Variants in ITPK1 observed in about 807,000 individuals in gnomAD.
The protein encoded by ITPK1 is inositol 1,3,4-trisphosphate 5/6-kinase.
ITPK1 carries 21 observed loss-of-function variants against 45.3 expected under a neutral mutation model. The ratio of observed to expected loss-of-function variants is 0.46; its 90% CI spans 0.33 to 0.67. The LOEUF (loss-of-function observed/expected upper bound fraction) is 0.67. ITPK1 is among the 30% of genes least tolerant of loss of function. The pLI is 0.02. For synonymous variants in ITPK1, 258 were observed against 253.6 expected (o/e 1.02, Z -0.16); for missense variants, 474 against 573.5 (o/e 0.83, Z 1.77).
intron 3 of ITPK1, among the ~76,000 whole-genome samples, chr14:93,067,268 C>G (rs1481851586): frequency 6.6e-6 from 1 of 152,170 alleles, no homozygotes; most frequent in Non-Finnish European, 1.5e-5. Context: ...TGGCAGGTAC[C>G]AGGGAGATCC....
intron 10 of ITPK1, among the ~76,000 whole-genome samples, chr14:92,945,152 G>A (rs4905012): frequency 0.018 from 2,785 of 152,344 alleles, 78 homozygotes; most frequent in Admixed American, 0.082. Flanking sequence ...CATGGCAGTG[G>A]AGCTCAAGCT....
chr14:93,008,593 G>C (rs1887735403), intron 4 of ITPK1, among the ~76,000 whole-genome samples: 1 of 152,222 alleles, frequency 6.6e-6, no homozygotes, highest in Non-Finnish European at 1.5e-5. Context: ...GCCTCACTCT[G>C]TCCATCCCAG....
At chr14:93,077,944 G>A (rs1436126916) in intron 2 of ITPK1, among the ~76,000 whole-genome samples, 3 of 152,206 alleles carry the variant, frequency 2.0e-5, no homozygotes, top group African/African-American at 7.2e-5. Flanking sequence ...GATGCTCAAA[G>A]ATGGCTGCAG....
rs921696392 is a variant in ITPK1, at chr14:93,100,652, C to T, written c.95+14417G>A. ...CCTGAAGCCAGAATGCCCCAAGGAT[C>T]TGACTCAGGAACCAATACATCCCCT... On this transcript the variant is annotated intron_variant, in intron 2 of 10. Transcript: ENST00000267615. 3.9e-5 allele frequency among the ~76,000 whole-genome samples: 6 copies of T among 152,090 alleles called. No homozygotes were observed. The East Asian group carries it at 7.7e-4, about 20-fold the overall frequency.
rs1205317887 is a variant in ITPK1 at position 92,939,697 on chromosome 14, T to C, written c.*1864A>G. 4 of 984,866 alleles carry C rather than the reference T, an allele frequency of 4.1e-6. No individual in the cohort carries two copies. Among genetic ancestry groups the C allele is most frequent in the Non-Finnish European group, 4.8e-6 (4 of 829,878 alleles). 61.0% of individuals were successfully genotyped at this position (984,866 alleles called of 1,614,324 possible). A position where few individuals can be genotyped will look rare whatever the true frequency, so the allele number is the denominator to read the frequency against. On this transcript the variant is annotated 3_prime_UTR_variant, in exon 11 of 11. Transcript: ENST00000267615. ...GCAAGACCCCGGAGGCCACAAACGG[T>C]ACAGGAACACAGCCAGGAGTCACGC...
intron 9 of ITPK1, among the ~76,000 whole-genome samples, chr14:92,949,191 T>G (rs1887841330): frequency 6.6e-6 from 1 of 151,782 alleles, no homozygotes; most frequent in Non-Finnish European, 1.5e-5. Flanking sequence ...CCTTCCGGGC[T>G]CAAATGAACC....
At chr14:93,000,206 C>T (rs1436112471) in intron 4 of ITPK1, among the ~76,000 whole-genome samples, 3 of 152,166 alleles carry the variant, frequency 2.0e-5, no homozygotes, top group South Asian at 4.1e-4. Flanking sequence ...CCGCTGTGAA[C>T]ATACGTGTAT....
At chr14:92,949,332 T>C (rs1887847736) in intron 9 of ITPK1, among the ~76,000 whole-genome samples, 1 of 152,220 alleles carries the variant, frequency 6.6e-6, no homozygotes, top group South Asian at 2.1e-4. Context: ...ACTCCTGGGC[T>C]CAAGCGATCT....
chr14:93,019,008 C>A lies in ITPK1; in HGVS notation c.121-2207G>T, dbSNP rs530800030. Among the ~76,000 whole-genome samples, 20 of 152,306 alleles carry A rather than the reference C, an allele frequency of 1.3e-4. No homozygotes were observed. The South Asian group carries it at 4.1e-3, about 32-fold the overall frequency. On this transcript the variant is annotated intron_variant, in intron 3 of 10. Coordinates refer to ENST00000267615, the MANE Select transcript of ITPK1 (RefSeq NM_014216.6). Reference sequence around the variant, plus strand: ...TTCACAGATTCCAAATTACACTCCACCCAATACCTCTTCCCAGAAAAAGCA... The same window carrying A: ...TTCACAGATTCCAAATTACACTCCAACCAATACCTCTTCCCAGAAAAAGCA...
intron 3 of ITPK1, among the ~76,000 whole-genome samples, chr14:93,050,794 C>T (rs1456843914): frequency 6.6e-6 from 1 of 151,938 alleles, no homozygotes; most frequent in East Asian, 1.9e-4. Flanking sequence ...CCTCCAGTCG[C>T]CAGCATCGGG....
Position 92,980,703 on chromosome 14 carries a change from TCTCA to T in ITPK1, c.364+13173_364+13176del, listed in dbSNP as rs1886181684. ...TTTATTTGTTTGTTTTGAGATGGAG[TCTCA>T]CTCTGTTGCCCAGGCTAGAGTGCAG... On this transcript the variant is annotated intron_variant, in intron 5 of 10. Coordinates refer to ENST00000267615, the MANE Select transcript of ITPK1 (RefSeq NM_014216.6). 2.0e-5 allele frequency among the ~76,000 whole-genome samples: 3 copies of T among 152,052 alleles called. No homozygotes were observed. In the South Asian group the frequency reaches 6.2e-4, roughly 32 times the overall value.
In ITPK1 at chr14:93,046,412, C is replaced by A. The variant is rs1415877065; in HGVS notation, c.121-29611G>T. 3.3e-5 allele frequency among the ~76,000 whole-genome samples: 5 copies of A among 152,160 alleles called. No homozygotes were observed. In the East Asian group the frequency reaches 7.7e-4, roughly 23 times the overall value. On this transcript the variant is annotated intron_variant, in intron 3 of 10. Coordinates refer to ENST00000267615, the MANE Select transcript of ITPK1 (RefSeq NM_014216.6). ...GCTCAAGCTTCCTTTCCCACATGGCCCCATGTGCTCCAGATAAAGGCAACT... is the reference window on the plus strand; with the variant it reads ...GCTCAAGCTTCCTTTCCCACATGGCACCATGTGCTCCAGATAAAGGCAACT...
chr14:93,012,605 G>C lies in ITPK1; in HGVS notation c.246+4071C>G, dbSNP rs935193114. 6.6e-6 allele frequency among the ~76,000 whole-genome samples: 1 copy of C among 152,184 alleles called. No individual in the cohort carries two copies. The highest frequency in any genetic ancestry group is 1.5e-5 in the Non-Finnish European group (1 of 68,032). Reference sequence around the variant, plus strand: ...TAACTCATCACTTTAGGGGCCGTGAGGTCAGTTCTGGGTCTGCCTGCTGGC... The same window carrying C: ...TAACTCATCACTTTAGGGGCCGTGACGTCAGTTCTGGGTCTGCCTGCTGGC... On this transcript the variant is annotated intron_variant, in intron 4 of 10. Coordinates refer to ENST00000267615, the MANE Select transcript of ITPK1 (RefSeq NM_014216.6). This position sits in a 1 kb window ranked among gnomAD's most constrained non-coding sequence, Gnocchi z 4.9.
chr14:92,972,739 C>T (rs1158788706), intron 5 of ITPK1, among the ~76,000 whole-genome samples: 1 of 152,164 alleles, frequency 6.6e-6, no homozygotes, highest in African/African-American at 2.4e-5. Flanking sequence ...TACAGGAACA[C>T]GCCACCATGC....
chr14:93,090,028 G>T (rs948792260), intron 2 of ITPK1, among the ~76,000 whole-genome samples: 1 of 152,062 alleles, frequency 6.6e-6, no homozygotes, highest in Non-Finnish European at 1.5e-5. Flanking sequence ...GCCACCAGGC[G>T]GTCTCCCTGC....
At chr14:92,982,075 A>G (rs1269334821) in intron 5 of ITPK1, among the ~76,000 whole-genome samples, 3 of 152,266 alleles carry the variant, frequency 2.0e-5, no homozygotes, top group Non-Finnish European at 4.4e-5. Context: ...GACATGCCCC[A>G]AGACACCCAG....
chr14:93,093,749 T>C (rs1229993726), intron 2 of ITPK1, among the ~76,000 whole-genome samples: 3 of 152,162 alleles, frequency 2.0e-5, no homozygotes, highest in Non-Finnish European at 2.9e-5. Flanking sequence ...GGATGGACTC[T>C]GAAGAGTTGA....
intron 3 of ITPK1, among the ~76,000 whole-genome samples, chr14:93,026,817 A>T (rs975305767): frequency 2.0e-5 from 3 of 152,204 alleles, no homozygotes; most frequent in Non-Finnish European, 4.4e-5. Context: ...AAAGATCTCC[A>T]AGAAGGGGCC....
At position 93,014,113 on chromosome 14, in the gene ITPK1, C is replaced by T. The variant is rs79527491; in HGVS notation, c.246+2563G>A. On this transcript the variant is annotated intron_variant, in intron 4 of 10. Coordinates refer to ENST00000267615, the MANE Select transcript of ITPK1 (RefSeq NM_014216.6). This position sits in a 1 kb window ranked among gnomAD's most constrained non-coding sequence, Gnocchi z 4.4. ...ATCCGGCCTCTTACTGAAGCACAGA[C>T]GGTGATGAAAATTTATCCCAGAAAT... 0.018 allele frequency among the ~76,000 whole-genome samples: 2,787 copies of T among 152,278 alleles called. 67 individuals are homozygous for T. The highest frequency in any genetic ancestry group is 0.076 in the Admixed American group (1,163 of 15,292).
Sources: gnomAD v4.1 joint callset for allele counts (sites outside exome capture counted in the v4.1 genomes callset) on GRCh38, gnomAD v4.1.1 for gene constraint, Gnocchi (gnomAD v3.1) non-coding constraint, MANE v1.5 for transcripts, NCBI Gene and HGNC (gene_info 2026-07-23, HGNC 2026-07-21) for gene names.